The following SORCS3 variants were observed in gnomAD, a reference collection of about 807,000 sequenced individuals.
SORCS3 encodes the protein sortilin related VPS10 domain containing receptor 3, also known as VPS10 domain-containing receptor SorCS3.
Under a neutral mutation model 146.3 loss-of-function variants are expected in SORCS3, and 57 were observed. That is an observed-to-expected ratio of 0.39 (90% CI 0.31 to 0.49). The LOEUF is 0.49. Ranked by LOEUF, SORCS3 falls within the 20% of genes least tolerant of loss-of-function variation. The pLI, the probability that SORCS3 is intolerant of heterozygous loss-of-function variation, is 0.92. For synonymous variants in SORCS3, 653 were observed against 618.5 expected, an observed-to-expected ratio of 1.06 and a Z score of -0.83; for missense variants, 1,341 against 1,575.5, an observed-to-expected ratio of 0.85 and a Z score of 2.52.
intron 11 of SORCS3, among the ~76,000 whole-genome samples, chr10:105,160,250 T>C (rs1380789604): frequency 6.6e-6 from 1 of 152,200 alleles, no homozygotes; most frequent in Non-Finnish European, 1.5e-5. Flanking sequence ...CACTCTGAAC[T>C]TCAGTGTTTT....
chr10:104,809,275 G>A (rs2017714520), intron 1 of SORCS3, among the ~76,000 whole-genome samples: 1 of 152,208 alleles, frequency 6.6e-6, no homozygotes, highest in South Asian at 2.1e-4. Flanking sequence ...AGTTGTTCTG[G>A]TCTTGGTTGG....
chr10:105,003,776 A>C (rs1266153658), intron 4 of SORCS3, among the ~76,000 whole-genome samples: 1 of 152,044 alleles, frequency 6.6e-6, no homozygotes, highest in Non-Finnish European at 1.5e-5. Context: ...CTTCCTGTGC[A>C]CTTGGGAACT....
chr10:105,133,067 T>C (rs548180717), intron 7 of SORCS3, among the ~76,000 whole-genome samples: 5 of 152,270 alleles, frequency 3.3e-5, no homozygotes, highest in Admixed American at 3.3e-4. Context: ...CCTAACATTG[T>C]GAAGCAGCAA....
rs188890190 is a variant in SORCS3, at chr10:104,681,041, C to G, written c.627+39087C>G. Among the ~76,000 whole-genome samples the G allele has an allele frequency of 2.1e-3, 327 of 152,362 alleles. 2 individuals are homozygous for G. The highest frequency in any genetic ancestry group is 5.3e-4 in the Non-Finnish European group (36 of 68,036). ...CTTCCGCAGAGCTCCGCCTCGGTTC[C>G]CCTCTCTCCCGGGAAGAGGACCAGC... On this transcript the variant is annotated intron_variant, in intron 1 of 26. Coordinates refer to ENST00000369701, the MANE Select transcript of SORCS3 (RefSeq NM_014978.3).
intron 1 of SORCS3, among the ~76,000 whole-genome samples, chr10:104,734,193 A>C (rs1272602599): frequency 6.6e-6 from 1 of 152,238 alleles, no homozygotes; most frequent in Non-Finnish European, 1.5e-5. Flanking sequence ...CCCTAGAAAT[A>C]TATCCCATTA....
chr10:104,881,529 G>C (rs1020542867), intron 2 of SORCS3, among the ~76,000 whole-genome samples: 1 of 152,164 alleles, frequency 6.6e-6, no homozygotes, highest in Non-Finnish European at 1.5e-5. Context: ...AACATGCACA[G>C]GGTCTGTGCC....
chr10:104,788,482 A>T (rs183176528), intron 1 of SORCS3, among the ~76,000 whole-genome samples: 2 of 152,238 alleles, frequency 1.3e-5, no homozygotes, highest in African/African-American at 4.8e-5. Flanking sequence ...GTGTAAATAC[A>T]TACTTTGCAT....
chr10:104,675,103 T>TG (rs1293636138), intron 1 of SORCS3, among the ~76,000 whole-genome samples: 3 of 152,234 alleles, frequency 2.0e-5, no homozygotes, highest in Non-Finnish European at 4.4e-5. Context: ...TTTCTAATCA[T>TG]TTCACTTCCT....
intron 1 of SORCS3, among the ~76,000 whole-genome samples, chr10:104,832,594 C>T (rs1313052842): frequency 1.3e-5 from 2 of 152,014 alleles, no homozygotes; most frequent in Admixed American, 6.6e-5. Flanking sequence ...GACACGTGCT[C>T]GTAATTCCAG....
chr10:104,991,937 A>G (rs753212803), intron 4 of SORCS3, among the ~76,000 whole-genome samples: 4 of 152,190 alleles, frequency 2.6e-5, no homozygotes, highest in African/African-American at 9.6e-5. Context: ...TAGGACTTCA[A>G]CATGTGGATT....
chr10:104,822,487 G>A (rs538957914), intron 1 of SORCS3, among the ~76,000 whole-genome samples: 1 of 152,234 alleles, frequency 6.6e-6, no homozygotes, highest in African/African-American at 2.4e-5. Flanking sequence ...TTGTTATTAT[G>A]TCCTAGGCTA....
intron 1 of SORCS3, among the ~76,000 whole-genome samples, chr10:104,699,123 T>G (rs1354151751): frequency 6.6e-6 from 1 of 152,144 alleles, no homozygotes; most frequent in East Asian, 1.9e-4. Flanking sequence ...TGGGACGTTT[T>G]GCAAATAAAA....
intron 19 of SORCS3, among the ~76,000 whole-genome samples, chr10:105,220,871 A>G (rs1399480980): frequency 6.6e-6 from 1 of 151,630 alleles, no homozygotes; most frequent in East Asian, 1.9e-4. Context: ...TACCTCATGA[A>G]CAAACAAATC....
At chr10:105,192,522 G>A (rs1241545179) in intron 14 of SORCS3, among the ~76,000 whole-genome samples, 1 of 152,114 alleles carries the variant, frequency 6.6e-6, no homozygotes, top group Non-Finnish European at 1.5e-5. Context: ...AGATGGAAAT[G>A]GGACAGTTGG....
At chr10:104,799,755 A>G (rs978281148) in intron 1 of SORCS3, among the ~76,000 whole-genome samples, 1 of 151,800 alleles carries the variant, frequency 6.6e-6, no homozygotes, top group African/African-American at 2.4e-5. Flanking sequence ...GGCTCACTGC[A>G]AGCTCTGCCT....
intron 2 of SORCS3, among the ~76,000 whole-genome samples, chr10:104,906,655 A>T (rs187102759): frequency 6.6e-6 from 1 of 152,266 alleles, no homozygotes; most frequent in East Asian, 1.9e-4. Context: ...TTGAATCCAA[A>T]TCTCCTTGAC....
rs558637943 is a variant in SORCS3 at position 104,881,502 on chromosome 10, C to T, written c.696-34331C>T. The stretch of plus-strand genomic sequence containing the variant: ...GAAATATTCAATTGCAAAGACCAAA[C>T]TTGTGAGGGAGCCTACAACATGCAC... On this transcript the variant is annotated intron_variant, in intron 2 of 26. Transcript: ENST00000369701. Among the ~76,000 whole-genome samples, 4 of 152,262 alleles carry T rather than the reference C, an allele frequency of 2.6e-5. No individual in the cohort carries two copies. The South Asian group carries it at 8.3e-4, about 32-fold the overall frequency.
intron 7 of SORCS3, among the ~76,000 whole-genome samples, chr10:105,130,156 C>T (rs2056008019): frequency 9.0e-6 from 1 of 111,162 alleles, no homozygotes; most frequent in Non-Finnish European, 2.1e-5. Flanking sequence ...GTTGATAGTA[C>T]TAATATCTGT....
At chr10:104,683,342 G>A (rs533904474) in intron 1 of SORCS3, among the ~76,000 whole-genome samples, 5 of 152,168 alleles carry the variant, frequency 3.3e-5, no homozygotes, top group South Asian at 2.1e-4. Flanking sequence ...AAGACTCCAC[G>A]TACTTTGGAT....
Sources: gnomAD v4.1 joint callset for allele counts (sites outside exome capture counted in the v4.1 genomes callset) on GRCh38, gnomAD v4.1.1 for gene constraint, MANE v1.5 for transcripts, NCBI Gene and HGNC (gene_info 2026-07-23, HGNC 2026-07-21) for gene names.